MMP28: variants seen among roughly 807,000 people sequenced by gnomAD.
The protein encoded by MMP28 is matrix metallopeptidase 28.
A neutral mutation model predicts 60.5 loss-of-function variants in MMP28; 55 were observed. The ratio of observed to expected loss-of-function variants is 0.91; its 90% CI spans 0.73 to 1.14. The LOEUF is 1.14. Ranked by LOEUF, MMP28 falls within the 50% of genes most tolerant of loss-of-function variation. MMP28 has a pLI of 0.00. For missense variants in MMP28, 686 were observed against 738.3 expected (o/e 0.93, Z 0.82); for synonymous variants, 318 against 312.5 (o/e 1.02, Z -0.18).
intron 1 of MMP28, among the ~76,000 whole-genome samples, chr17:35,786,637 G>A (rs532253417): frequency 1.3e-4 from 19 of 146,288 alleles, no homozygotes; most frequent in East Asian, 1.2e-3. Context: ...GGAAGGCTGG[G>A]GCAGGAAGAT....
At chr17:35,793,542 G>A (rs1054578082) in intron 1 of MMP28, among the ~76,000 whole-genome samples, 6 of 152,166 alleles carry the variant, frequency 3.9e-5, no homozygotes, top group African/African-American at 1.4e-4. Flanking sequence ...AGGGGTGGAA[G>A]GCAATGAGAG....
chr17:35,771,225 G>C (rs1302599410), intron 4 of MMP28, among the ~76,000 whole-genome samples: 2 of 152,138 alleles, frequency 1.3e-5, no homozygotes, highest in African/African-American at 4.8e-5. Context: ...GAGGTCAAGA[G>C]ATTGAGACCA....
Position 35,767,756 on chromosome 17 carries a change from G to A in MMP28, c.1164C>T (p.Phe388=), listed in dbSNP as rs1555603984. The A allele has an allele frequency of 2.6e-6, 4 of 1,557,220 alleles. No homozygotes were observed. Among genetic ancestry groups the A allele is most frequent in the Non-Finnish European group, 3.5e-6 (4 of 1,150,526 alleles). ...VSLNDGDFYF[F]KGGRCWRFRG... ...CCGCTGCCCCAGAGCCAGTACCTTTGAAGAAGTAGAAATCTCCATCATTCA... is the reference window on the plus strand; with the variant it reads ...CCGCTGCCCCAGAGCCAGTACCTTTAAAGAAGTAGAAATCTCCATCATTCA... Residue 388 remains phenylalanine (F), a synonymous_variant, in exon 7 of 8, where the codon TTC becomes TTT. Transcript: ENST00000605424.
chr17:35,764,372 G>A (rs781942940), downstream of MMP28: 2 of 1,454,396 alleles, frequency 1.4e-6, no homozygotes, highest in East Asian at 2.7e-5. Context: ...CGGTGCCCGG[G>A]CCCCAGGGAG....
rs587687039 is a variant in MMP28, at chr17:35,758,698, T to TAAATA, written c.266-2284_266-2280dup. Among the ~76,000 whole-genome samples the TAAATA allele has an allele frequency of 2.9e-3, 445 of 151,928 alleles. 3 individuals are homozygous for TAAATA. The highest frequency in any genetic ancestry group is 9.3e-3 in the African/African-American group (385 of 41,434). On this transcript the variant is annotated intron_variant, in intron 2 of 2. Coordinates refer to the MMP28 transcript ENST00000615317. ...CAAAGCAAGACTCTATCTCAAAAAA[T>TAAATA]AAATAAAATAAAATAAAATAAAATA...
downstream of MMP28, among the ~76,000 whole-genome samples, chr17:35,763,144 A>AT (rs2085857842): frequency 6.7e-6 from 1 of 149,380 alleles, no homozygotes; most frequent in Admixed American, 6.7e-5. Context: ...AAAAAATGGG[A>AT]TCAGTAAGCC....
chr17:35,763,812 G>A (rs981671107), downstream of MMP28, among the ~76,000 whole-genome samples: 6 of 152,008 alleles, frequency 3.9e-5, no homozygotes, highest in East Asian at 1.2e-3. Context: ...CAAAAGAATC[G>A]CTTGAGCCCG....
intron 1 of MMP28, among the ~76,000 whole-genome samples, chr17:35,790,568 A>AT (rs2086784515): frequency 1.3e-5 from 2 of 151,840 alleles, no homozygotes; most frequent in Admixed American, 1.3e-4. Context: ...TTTTTTGTCT[A>AT]TTTTTTCTAT....
At chr17:35,756,631 G>T (rs1413564509) in intron 2 of MMP28, among the ~76,000 whole-genome samples, 1 of 151,836 alleles carries the variant, frequency 6.6e-6, no homozygotes, top group East Asian at 2.0e-4. Context: ...GTCACGCCTG[G>T]CTAATTTTGT....
Position 35,760,188 on chromosome 17 carries a change from G to A in MMP28, c.266-3769C>T, listed in dbSNP as rs142139323. On this transcript the variant is annotated intron_variant, in intron 2 of 2. Transcript: ENST00000615317. ...TGAGGTCAGCAACTTCATCTCAACA[G>A]ATGGAGGGCTTTCCAGAGCTGAATC... 2.6e-5 allele frequency among the ~76,000 whole-genome samples: 4 copies of A among 152,298 alleles called. No homozygotes were observed. In the East Asian group the frequency reaches 7.7e-4, roughly 29 times the overall value.
chr17:35,771,088 C>T (rs749765596), intron 4 of MMP28, among the ~76,000 whole-genome samples: 1 of 150,898 alleles, frequency 6.6e-6, no homozygotes, highest in Non-Finnish European at 1.5e-5. Flanking sequence ...ACAACAACAA[C>T]AAAAAAGTGA....
intron 1 of MMP28, among the ~76,000 whole-genome samples, chr17:35,788,012 C>T (rs1270086749): frequency 6.8e-6 from 1 of 148,018 alleles, no homozygotes; most frequent in Non-Finnish European, 1.5e-5. Context: ...CTCAAGTGAT[C>T]CTTGTACCTC....
At chr17:35,760,782 A>T in intron 2 of MMP28, 1 of 813,858 alleles carries the variant, frequency 1.2e-6, no homozygotes, top group Non-Finnish European at 2.0e-6. Context: ...CTGGAAAAGG[A>T]AATTATTCCT....
chr17:35,775,387 G>T (rs1311344480), intron 3 of MMP28, among the ~76,000 whole-genome samples: 1 of 152,134 alleles, frequency 6.6e-6, no homozygotes, highest in Non-Finnish European at 1.5e-5. Flanking sequence ...TTTTTGTGGT[G>T]ACCCCCAGGC....
intron 1 of MMP28, among the ~76,000 whole-genome samples, chr17:35,784,206 C>T (rs1023119164): frequency 1.3e-5 from 2 of 150,140 alleles, no homozygotes; most frequent in African/African-American, 2.5e-5. Flanking sequence ...CGCTGGAACC[C>T]GGGAGGTGGA....
downstream of MMP28, chr17:35,764,597 G>C (rs782017049): frequency 6.3e-7 from 1 of 1,586,358 alleles, no homozygotes; most frequent in African/African-American, 1.4e-5. Context: ...TGGGTAAGGC[G>C]GGGGCCGCTG....
intron 1 of MMP28, among the ~76,000 whole-genome samples, chr17:35,792,141 T>C (rs985551158): frequency 9.9e-5 from 15 of 152,124 alleles, no homozygotes; most frequent in African/African-American, 3.6e-4. Flanking sequence ...GTATCTCCCA[T>C]TCCCACGTTC....
At chr17:35,779,475 A>G in intron 1 of MMP28, 152 bp from the exon 2 acceptor site, 1 of 617,332 alleles carries the variant, frequency 1.6e-6, no homozygotes, top group Non-Finnish European at 2.8e-6. Context: ...TTCTGGGATT[A>G]AAGTCAAAAG....
At chr17:35,793,083 G>A (rs1040302917) in intron 1 of MMP28, among the ~76,000 whole-genome samples, 2 of 152,120 alleles carry the variant, frequency 1.3e-5, no homozygotes, top group African/African-American at 2.4e-5. Context: ...ACACACACAC[G>A]TGTGCTTGCA....
Sources: allele counts gnomAD v4.1 joint callset (sites outside exome capture counted in the v4.1 genomes callset), GRCh38; gene constraint gnomAD v4.1.1; transcripts MANE v1.5; gene names NCBI Gene and HGNC (gene_info 2026-07-23, HGNC 2026-07-21).